CCS: variants seen among roughly 807,000 people sequenced by gnomAD.
CCS encodes the protein superoxide dismutase copper chaperone.
CCS carries 32 observed loss-of-function variants against 35.5 expected under a neutral mutation model. The observed-to-expected ratio is 0.90, with a 90% confidence interval of 0.68 to 1.21. CCS has a LOEUF of 1.21. CCS is among the 50% of genes most tolerant of loss of function. The pLI is 0.00. For missense variants in CCS, 342 were observed against 375.4 expected (o/e 0.91, Z 0.73); for synonymous variants, 130 against 147.2 (o/e 0.88, Z 0.84).
intron 4 of CCS, 21 bp from the exon 5 acceptor site, chr11:66,600,468 C>T (rs1257085431): frequency 6.7e-7 from 1 of 1,499,594 alleles, no homozygotes. Context: ...TTCCTGCCCA[C>T]CTGTTTCCTT....
At chr11:66,605,054 C>T (rs1245605022) in intron 5 of CCS, 1 of 1,293,302 alleles carries the variant, frequency 7.7e-7, no homozygotes, top group Non-Finnish European at 1.0e-6. Context: ...GAAACTTCCA[C>T]TGGCTCTTTT....
chr11:66,593,950 C>T (rs1858429248), intron 2 of CCS, among the ~76,000 whole-genome samples: 1 of 152,170 alleles, frequency 6.6e-6, no homozygotes. Flanking sequence ...TCAGGTGCCC[C>T]AGAGACTGAG....
intron 3 of CCS, 61 bp downstream of exon 3, chr11:66,599,314 T>A: frequency 6.6e-7 from 1 of 1,524,266 alleles, no homozygotes; most frequent in Non-Finnish European, 8.8e-7. Flanking sequence ...CTGGTACAAA[T>A]CTAATCATAG....
rs1193420529 is a variant in CCS, at chr11:66,597,580, G to T, written c.113-1536G>T. Among the ~76,000 whole-genome samples, 5 of 150,870 alleles carry T rather than the reference G, an allele frequency of 3.3e-5. No individual in the cohort carries two copies. The East Asian group carries it at 9.8e-4, about 29-fold the overall frequency. ...ATCCTGGCTAACACGGTGAAACCCC[G>T]TCTTTACTAAAAATACAAAAAATTA... On this transcript the variant is annotated intron_variant, in intron 2 of 7. Transcript: ENST00000533244.
At chr11:66,605,308 T>A (rs768044899) in intron 5 of CCS, 31 bp from the exon 6 acceptor site, 1 of 1,613,644 alleles carries the variant, frequency 6.2e-7, no homozygotes, top group Admixed American at 1.7e-5. Context: ...GTGGCACACA[T>A]CCCCTATACA....
At chr11:66,597,615 G>C (rs1013962546) in intron 2 of CCS, among the ~76,000 whole-genome samples, 1 of 151,078 alleles carries the variant, frequency 6.6e-6, no homozygotes, top group African/African-American at 2.4e-5. Flanking sequence ...AGCCGGGCTT[G>C]GTGGCGGGCG....
At chr11:66,598,666 G>C (rs924490928) in intron 2 of CCS, among the ~76,000 whole-genome samples, 4 of 151,788 alleles carry the variant, frequency 2.6e-5, no homozygotes, top group African/African-American at 9.7e-5. Context: ...GTCCGTCCAT[G>C]TTGTAGCATG....
At chr11:66,599,693 C>A in intron 4 of CCS, 57 bp downstream of exon 4, 1 of 1,508,248 alleles carries the variant, frequency 6.6e-7, no homozygotes, top group Admixed American at 1.9e-5. Flanking sequence ...TCACACTGGG[C>A]CCTCACCAAT....
rs1298431082 is a variant in CCS, at chr11:66,599,257, A to C, written c.250+4A>C. On this transcript the variant is annotated splice_donor_region_variant and intron_variant, in intron 3 of 7. Coordinates refer to ENST00000533244, the MANE Select transcript of CCS (RefSeq NM_005125.2). ...GGCATGGGCAGCGGCCAGTTGCGTGAGTGACCACTGTGGCCTTGGCCCCTC... is the reference window on the plus strand; with the variant it reads ...GGCATGGGCAGCGGCCAGTTGCGTGCGTGACCACTGTGGCCTTGGCCCCTC... 2.1e-5 allele frequency: 33 copies of C among 1,597,336 alleles called. No individual in the cohort carries two copies. Among genetic ancestry groups the C allele is most frequent in the Non-Finnish European group, 2.8e-5 (33 of 1,171,922 alleles).
Position 66,600,519 on chromosome 11 carries a change from A to G in CCS, c.459A>G (p.Ala153=), listed in dbSNP as rs1858556570. 6.5e-7 allele frequency: 1 copy of G among 1,536,078 alleles called. No homozygotes were observed. The highest frequency in any genetic ancestry group is 1.4e-5 in the African/African-American group (1 of 71,634). ...SCGNHFNPDG[A]SHGGPQDSDR... ...GGAATCACTTTAACCCTGATGGAGCATCTCATGGGGGCCCCCAGGACTCTG... is the reference window on the plus strand; with the variant it reads ...GGAATCACTTTAACCCTGATGGAGCGTCTCATGGGGGCCCCCAGGACTCTG... The change falls in exon 5 of 8, where the codon GCA becomes GCG. Residue 153 remains alanine (A), a synonymous_variant. Coordinates refer to ENST00000533244, the MANE Select transcript of CCS (RefSeq NM_005125.2).
chr11:66,599,015 T>C (rs1428477685), intron 2 of CCS, 101 bp from the exon 3 acceptor site: 6 of 1,458,354 alleles, frequency 4.1e-6, no homozygotes, highest in Non-Finnish European at 4.8e-6. Flanking sequence ...ATGGGAAGTT[T>C]GGTGGAAATG....
rs1273985354 is a variant in CCS at position 66,595,843 on chromosome 11, A to G, written c.112+2129A>G. Among the ~76,000 whole-genome samples the G allele has an allele frequency of 2.0e-5, 3 of 152,162 alleles. No individual in the cohort carries two copies. The East Asian group carries it at 5.8e-4, about 29-fold the overall frequency. ...AATAATTCAGGAGGTACATAGTGAC[A>G]AGGAACTTCCCACTTCAGGAGCAGA... On this transcript the variant is annotated intron_variant, in intron 2 of 7. Coordinates refer to ENST00000533244, the MANE Select transcript of CCS (RefSeq NM_005125.2).
chr11:66,593,242 G>A lies in CCS; in HGVS notation c.-20G>A, dbSNP rs1330371783. 16 of 1,559,914 alleles carry A rather than the reference G, an allele frequency of 1.0e-5. 1 individual carries two copies. The East Asian group carries it at 3.8e-4, about 37-fold the overall frequency. On this transcript the variant is annotated 5_prime_UTR_variant, in exon 1 of 8. Coordinates refer to ENST00000533244, the MANE Select transcript of CCS (RefSeq NM_005125.2). ...TGCGCCGGAGGAGTTCTGCGTCTCGGGGTGGTGACTGGGTCCAGAATGGCT... is the reference window on the plus strand; with the variant it reads ...TGCGCCGGAGGAGTTCTGCGTCTCGAGGTGGTGACTGGGTCCAGAATGGCT...
At position 66,599,124 on chromosome 11, in the gene CCS, G is replaced by C. The variant is rs758837178; in HGVS notation, c.121G>C (p.Asp41His). Residue 41 changes from aspartate to histidine, a missense_variant, in exon 3 of 8, where the codon GAT (aspartate) becomes CAT (histidine). Coordinates refer to ENST00000533244, the MANE Select transcript of CCS (RefSeq NM_005125.2). ...KSLQGVAGVQ[D>H]VEVHLEDQMV... ...CCTCTCTTTCTTGCCAGGTGTCCAG[G>C]ATGTGGAGGTGCACTTGGAGGACCA... 2 of 1,614,126 alleles carry C rather than the reference G, an allele frequency of 1.2e-6. No homozygotes were observed. The highest frequency in any genetic ancestry group is 3.3e-5 in the Admixed American group (2 of 60,012).
chr11:66,602,667 C>T (rs953106970), intron 5 of CCS, among the ~76,000 whole-genome samples: 5 of 152,306 alleles, frequency 3.3e-5, no homozygotes, highest in African/African-American at 7.2e-5. Context: ...AGAAACTGCC[C>T]GGGCAAAGCC....
chr11:66,598,771 T>C (rs532310006), intron 2 of CCS, among the ~76,000 whole-genome samples: 1 of 152,166 alleles, frequency 6.6e-6, no homozygotes, highest in East Asian at 1.9e-4. Flanking sequence ...TTTTATCTTT[T>C]GGCTATTGTG....
chr11:66,602,145 T>C (rs938995838), intron 5 of CCS, among the ~76,000 whole-genome samples: 1 of 152,242 alleles, frequency 6.6e-6, no homozygotes, highest in African/African-American at 2.4e-5. Flanking sequence ...CAGTGATTAG[T>C]AATCTGCTGC....
rs967951335 is a variant in CCS at position 66,593,698 on chromosome 11, C to A, written c.96C>A (p.Ser32=). 3 of 1,614,040 alleles carry A rather than the reference C, an allele frequency of 1.9e-6. No homozygotes were observed. Among genetic ancestry groups the A allele is most frequent in the Non-Finnish European group, 1.7e-6 (2 of 1,180,004 alleles). The part of the protein sequence containing the change: ...CQSCVDAVRK[S]LQGVAGVQDV... ...GCTGTGTGGACGCGGTGCGCAAATCCCTGCAAGGGGTGGCAGGTAAGAACA... is the reference window on the plus strand; with the variant it reads ...GCTGTGTGGACGCGGTGCGCAAATCACTGCAAGGGGTGGCAGGTAAGAACA... Residue 32 remains serine (S), a synonymous_variant, in exon 2 of 8, where the codon TCC becomes TCA. Transcript: ENST00000533244.
intron 3 of CCS, 60 bp downstream of exon 3, chr11:66,599,313 A>G: frequency 6.6e-7 from 1 of 1,523,996 alleles, no homozygotes; most frequent in African/African-American, 1.4e-5. Context: ...GCTGGTACAA[A>G]TCTAATCATA....
Sources: gnomAD v4.1 joint callset for allele counts (sites outside exome capture counted in the v4.1 genomes callset) on GRCh38, gnomAD v4.1.1 for gene constraint, MANE v1.5 for transcripts, NCBI Gene and HGNC (gene_info 2026-07-23, HGNC 2026-07-21) for gene names.